Variants in COX20 observed in about 807,000 individuals in gnomAD.
COX20 encodes the protein cytochrome c oxidase assembly protein COX20, mitochondrial.
In COX20, 14 loss-of-function variants were observed where a neutral mutation model predicts 14.3. That is an observed-to-expected ratio of 0.98 (90% confidence interval 0.65 to 1.53). The LOEUF is 1.53. Among genes scored for constraint, COX20 ranks in the 40% most tolerant of loss-of-function variants. The pLI is 0.00. For missense variants in COX20, 149 were observed against 142.1 expected, an observed-to-expected ratio of 1.05 and a Z score of -0.25; for synonymous variants, 56 against 51.7, an observed-to-expected ratio of 1.08 and a Z score of -0.36.
chr1:244,836,600 A>AC, intron 1 of COX20: 1 of 1,246,046 alleles, frequency 8.0e-7, no homozygotes, highest in Non-Finnish European at 1.1e-6. Flanking sequence ...TCAGGGCAGA[A>AC]CAGGTATTCA....
rs1433343396 is a variant in COX20, at chr1:244,843,185, G to C, written c.*9G>C. 1 of 1,544,452 alleles carries C rather than the reference G, an allele frequency of 6.5e-7. No homozygotes were observed. Among genetic ancestry groups the C allele is most frequent in the Non-Finnish European group, 8.7e-7 (1 of 1,151,292 alleles). ...GCAGCAGCAGCAATTGAACAATCTT[G>C]AGCATAGAAGTCAATGTAAACGAAG... is the stretch of plus-strand genomic sequence containing the variant. On this transcript the variant is annotated 3_prime_UTR_variant, in exon 4 of 4. Transcript: ENST00000411948.
chr1:244,843,338 T>C lies in COX20; in HGVS notation c.*162T>C, dbSNP rs1483604041. Reference sequence around the variant, plus strand: ...AACTTGCCAGTTTATTCTGGCCCTGTGTCTACTGCCAGGATAGCATTCTTA... The same window carrying C: ...AACTTGCCAGTTTATTCTGGCCCTGCGTCTACTGCCAGGATAGCATTCTTA... On this transcript the variant is annotated 3_prime_UTR_variant, in exon 4 of 4. Coordinates refer to ENST00000411948, the MANE Select transcript of COX20 (RefSeq NM_198076.6). The C allele has an allele frequency of 4.3e-6, 3 of 701,626 alleles. No homozygotes were observed. Among genetic ancestry groups the C allele is most frequent in the East Asian group, 6.1e-5 (2 of 32,666 alleles). 43.5% of individuals were successfully genotyped at this position (701,626 alleles called of 1,614,324 possible).
At chr1:244,838,253 G>A (rs1303978796) in intron 1 of COX20, among the ~76,000 whole-genome samples, 1 of 152,150 alleles carries the variant, frequency 6.6e-6, no homozygotes, top group Non-Finnish European at 1.5e-5. Flanking sequence ...AGGTTTGGAG[G>A]TGAAAATATA....
intron 2 of COX20, 45 bp from the exon 3 acceptor site, chr1:244,842,150 A>C (rs745882825): frequency 2.0e-6 from 3 of 1,485,182 alleles, no homozygotes; most frequent in Non-Finnish European, 2.8e-6. Flanking sequence ...AGTAATGTAT[A>C]TAACGTAATT....
intron 1 of COX20, among the ~76,000 whole-genome samples, chr1:244,836,102 C>T (rs1336667796): frequency 6.6e-6 from 1 of 152,228 alleles, no homozygotes; most frequent in Non-Finnish European, 1.5e-5. Context: ...GAGATTAAAG[C>T]TCCGTTGAGG....
chr1:244,838,063 TG>T (rs1680052832), intron 1 of COX20, among the ~76,000 whole-genome samples: 1 of 152,196 alleles, frequency 6.6e-6, no homozygotes, highest in South Asian at 2.1e-4. Context: ...GTTTCAGATT[TG>T]GGATGCTCAA....
intron 3 of COX20, chr1:244,842,836 CT>C (rs1194744680): frequency 4.0e-5 from 16 of 404,980 alleles, no homozygotes; most frequent in Middle Eastern, 6.8e-4. Flanking sequence ...TGTAGACATC[CT>C]TTTTTTCCTA....
At chr1:244,841,889 C>A in intron 1 of COX20, 55 bp from the exon 2 acceptor site, 1 of 1,123,176 alleles carries the variant, frequency 8.9e-7, no homozygotes, top group Admixed American at 2.1e-5. Flanking sequence ...TTTGCCAAAG[C>A]ACCCCAAAAT....
intron 1 of COX20, chr1:244,836,411 A>G: frequency 4.5e-6 from 6 of 1,344,460 alleles, no homozygotes; most frequent in Non-Finnish European, 6.2e-6. Flanking sequence ...TAGTAAAGCT[A>G]AACCAAGCGC....
At chr1:244,839,232 A>G (rs142823087) in intron 1 of COX20, among the ~76,000 whole-genome samples, 3 of 152,266 alleles carry the variant, frequency 2.0e-5, no homozygotes, top group African/African-American at 4.8e-5. Context: ...AATAGGGCCA[A>G]TTCATCCTTT....
Position 244,842,224 on chromosome 1 carries a change from G to A in COX20, c.187G>A (p.Val63Ile). The change falls in exon 3 of 4, where the codon GTA becomes ATA. Residue 63 changes from valine to isoleucine, a missense_variant. Physicochemically the swap from Val to Ile is conservative, Grantham distance 29. Transcript: ENST00000411948. ...AATTAGAAGATCATGTGATGTTGGA[G>A]TAGGAGGGTTTATCTTGGTGACTTT... ...SRIRRSCDVG[V>I]GGFILVTLGC... 1.9e-6 allele frequency: 3 copies of A among 1,609,062 alleles called. No individual in the cohort carries two copies. The highest frequency in any genetic ancestry group is 2.6e-6 in the Non-Finnish European group (3 of 1,175,726).
intron 1 of COX20, among the ~76,000 whole-genome samples, chr1:244,839,431 G>C (rs1161821431): frequency 6.6e-6 from 1 of 151,486 alleles, no homozygotes; most frequent in African/African-American, 2.4e-5. Flanking sequence ...AAAAATGTCT[G>C]ACATTTCCTT....
rs1023589410 is a variant in COX20, at chr1:244,842,047, T to C, written c.146T>C (p.Phe49Ser). ...TCTGTTGTGGCTGGCTTTGGACATT[T>C]TTTGTTCACTAGTGAGTATCTGTAT... ...LGSVVAGFGHFLFTSRIRRSC... is the reference protein window; with the variant it reads ...LGSVVAGFGHSLFTSRIRRSC... Residue 49 changes from phenylalanine to serine, a missense_variant, in exon 2 of 4, where the codon TTT becomes TCT. Coordinates refer to ENST00000411948, the MANE Select transcript of COX20 (RefSeq NM_198076.6). The C allele has an allele frequency of 6.2e-7, 1 of 1,601,998 alleles. No homozygotes were observed. The highest frequency in any genetic ancestry group is 8.6e-7 in the Non-Finnish European group (1 of 1,169,488).
chr1:244,837,778 G>C (rs1165772923), intron 1 of COX20, among the ~76,000 whole-genome samples: 1 of 152,166 alleles, frequency 6.6e-6, no homozygotes, highest in Non-Finnish European at 1.5e-5. Context: ...TGTTCGTTCG[G>C]TAATAACCAT....
intron 1 of COX20, among the ~76,000 whole-genome samples, chr1:244,837,376 A>T (rs993667644): frequency 2.6e-5 from 4 of 152,144 alleles, no homozygotes; most frequent in African/African-American, 7.2e-5. Context: ...TATTTTTTTT[A>T]AAAGAATTTG....
intron 1 of COX20, 22 bp downstream of exon 1, chr1:244,835,778 C>T: frequency 1.6e-6 from 2 of 1,246,760 alleles, no homozygotes; most frequent in Non-Finnish European, 1.0e-6. Flanking sequence ...GTCGGCGGGG[C>T]GCGCGCCGCG....
chr1:244,842,705 T>A (rs1428524675), intron 3 of COX20: 2 of 238,672 alleles, frequency 8.4e-6, no homozygotes, highest in Non-Finnish European at 1.6e-5. Context: ...GTAGAAATCA[T>A]TTTATGTAGA....
At chr1:244,840,125 T>G (rs187732407) in intron 1 of COX20, 1 of 152,314 alleles carries the variant, frequency 6.6e-6, no homozygotes, top group East Asian at 1.9e-4. Context: ...GCTGAGCTAT[T>G]TTCCTATTGT....
intron 1 of COX20, among the ~76,000 whole-genome samples, chr1:244,837,763 G>T (rs973403809): frequency 1.3e-5 from 2 of 152,216 alleles, no homozygotes; most frequent in Non-Finnish European, 2.9e-5. Flanking sequence ...GAGAAAGGCA[G>T]CATGTGTTCG....
Sources: gnomAD v4.1 joint callset for allele counts (sites outside exome capture counted in the v4.1 genomes callset) on GRCh38, gnomAD v4.1.1 for gene constraint, MANE v1.5 for transcripts, NCBI Gene and HGNC (gene_info 2026-07-23, HGNC 2026-07-21) for gene names.